PHKB: variants seen among roughly 807,000 people sequenced by gnomAD.
PHKB encodes phosphorylase kinase regulatory subunit beta, also known as phosphorylase b kinase regulatory subunit beta.
In PHKB, 122 loss-of-function variants were observed where a neutral mutation model predicts 152.1. That is an observed-to-expected ratio of 0.80 (90% CI 0.69 to 0.93). The LOEUF (loss-of-function observed/expected upper bound fraction) is 0.93. Among genes scored for constraint, PHKB ranks in the 40% least tolerant of loss-of-function variants. The pLI is 0.00. For missense variants in PHKB, 1,304 were observed against 1,328.4 expected, an observed-to-expected ratio of 0.98 and a Z score of 0.29; for synonymous variants, 436 against 464.9, an observed-to-expected ratio of 0.94 and a Z score of 0.80.
At position 47,663,620 on chromosome 16, in the gene PHKB, T is replaced by C; in HGVS notation, c.2279-57T>C. On this transcript the variant is annotated intron_variant, in intron 23 of 30. Transcript: ENST00000323584. ...AATGAGTACTTTTAAGAGGAATAAA[T>C]GTTGTGCATTTAATTAAAAGCTTTG... 3 of 1,384,632 alleles carry C rather than the reference T, an allele frequency of 2.2e-6. No individual in the cohort carries two copies. In the South Asian group the frequency reaches 3.5e-5, roughly 16 times the overall value. 85.8% of individuals were successfully genotyped at this position (1,384,632 alleles called of 1,614,324 possible). A position where few individuals can be genotyped will look rare whatever the true frequency, so the allele number is the denominator to read the frequency against.
At chr16:47,508,923 G>A (rs1407480423) in intron 4 of PHKB, among the ~76,000 whole-genome samples, 2 of 152,046 alleles carry the variant, frequency 1.3e-5, no homozygotes, top group Non-Finnish European at 2.9e-5. Flanking sequence ...AACTCAAAAT[G>A]TACTTATGTA....
intron 5 of PHKB, 81 bp downstream of exon 5, chr16:47,511,853 C>G: frequency 1.0e-6 from 1 of 961,916 alleles, no homozygotes; most frequent in Middle Eastern, 2.1e-4. Flanking sequence ...GCACCAGGGA[C>G]TAGTTTTGTG....
intron 6 of PHKB, among the ~76,000 whole-genome samples, chr16:47,519,181 C>CT (rs1380168039): frequency 1.3e-5 from 2 of 151,936 alleles, no homozygotes; most frequent in Non-Finnish European, 2.9e-5. Context: ...GTGTCATTTA[C>CT]TTTTTTTTGC....
chr16:47,565,993 C>T (rs147884054), intron 7 of PHKB: 14 of 760,462 alleles, frequency 1.8e-5, no homozygotes, highest in Non-Finnish European at 2.9e-5. Flanking sequence ...GACCGATCAT[C>T]CCGTCTGTTG....
At chr16:47,633,862 C>T (rs1486990364) in intron 14 of PHKB, among the ~76,000 whole-genome samples, 1 of 152,184 alleles carries the variant, frequency 6.6e-6, no homozygotes, top group Non-Finnish European at 1.5e-5. Context: ...TATCTGTTTA[C>T]TAACTCTTCT....
intron 10 of PHKB, among the ~76,000 whole-genome samples, chr16:47,591,756 T>G (rs1025532075): frequency 1.3e-5 from 2 of 152,158 alleles, no homozygotes; most frequent in African/African-American, 4.8e-5. Flanking sequence ...CTCGCTTAGA[T>G]GTCTTACAGT....
chr16:47,598,952 T>G (rs1352915341), intron 13 of PHKB: 55 of 1,468,502 alleles, frequency 3.7e-5, no homozygotes, highest in Non-Finnish European at 4.3e-5. Flanking sequence ...TGTGGAGTAT[T>G]GCACACAGCC....
chr16:47,590,712 C>G (rs1161933318), intron 10 of PHKB: 1 of 150,320 alleles, frequency 6.7e-6, no homozygotes, highest in Non-Finnish European at 1.5e-5. Context: ...CTTTCTTCAC[C>G]TTCTGCTGAG....
intron 20 of PHKB, among the ~76,000 whole-genome samples, chr16:47,656,862 T>G (rs1355192206): frequency 6.6e-6 from 1 of 152,142 alleles, no homozygotes; most frequent in Non-Finnish European, 1.5e-5. Flanking sequence ...CCAGGACATC[T>G]CTCCTTGCAG....
intron 14 of PHKB, among the ~76,000 whole-genome samples, chr16:47,611,217 T>G (rs995383290): frequency 2.6e-5 from 4 of 152,194 alleles, no homozygotes; most frequent in African/African-American, 9.7e-5. Flanking sequence ...GGAGGACCAA[T>G]GACTGAAGGG....
chr16:47,656,981 TTTTC>T (rs1281761664), intron 20 of PHKB, among the ~76,000 whole-genome samples: 6 of 152,146 alleles, frequency 3.9e-5, no homozygotes. Flanking sequence ...AGAGTTGCCT[TTTTC>T]TTTTTTTGTT....
intron 26 of PHKB, among the ~76,000 whole-genome samples, chr16:47,684,672 C>A (rs1328689978): frequency 1.3e-5 from 2 of 151,884 alleles, no homozygotes; most frequent in African/African-American, 4.8e-5. Flanking sequence ...GAAGCTGAGG[C>A]AGGAGAATGG....
intron 20 of PHKB, among the ~76,000 whole-genome samples, chr16:47,659,755 G>A (rs1232657146): frequency 1.3e-5 from 2 of 152,118 alleles, no homozygotes; most frequent in Non-Finnish European, 2.9e-5. Flanking sequence ...ATCATTGGAT[G>A]GCCCAGAAAT....
At chr16:47,661,193 TC>T (rs1973437910) in intron 22 of PHKB, among the ~76,000 whole-genome samples, 1 of 152,130 alleles carries the variant, frequency 6.6e-6, no homozygotes, top group Non-Finnish European at 1.5e-5. Context: ...TTGCTTTAGG[TC>T]AGTCCTGTCA....
At chr16:47,570,910 CTA>C (rs913813409) in intron 7 of PHKB, among the ~76,000 whole-genome samples, 52 of 152,092 alleles carry the variant, frequency 3.4e-4, no homozygotes, top group African/African-American at 1.3e-3. Context: ...TCTGGATAAA[CTA>C]TTTTTTATTA....
At chr16:47,693,351 C>A in intron 27 of PHKB, 27 bp from the exon 28 acceptor site, 2 of 1,613,416 alleles carry the variant, frequency 1.2e-6, no homozygotes, top group Non-Finnish European at 1.7e-6. Flanking sequence ...TGTTCTTCAA[C>A]TCTGAGACAT....
At chr16:47,564,200 G>C (rs1481723563) in intron 7 of PHKB, among the ~76,000 whole-genome samples, 1 of 151,928 alleles carries the variant, frequency 6.6e-6, no homozygotes, top group Non-Finnish European at 1.5e-5. Context: ...CCAGTAGTGG[G>C]ATTGCTGGAT....
chr16:47,538,593 G>A (rs1970996323), intron 6 of PHKB, among the ~76,000 whole-genome samples: 2 of 152,254 alleles, frequency 1.3e-5, no homozygotes, highest in Admixed American at 1.3e-4. Context: ...CTGTTGGGGA[G>A]GAGAATGTAA....
At chr16:47,571,932 G>A (rs935649090) in intron 7 of PHKB, among the ~76,000 whole-genome samples, 1 of 152,088 alleles carries the variant, frequency 6.6e-6, no homozygotes, top group Admixed American at 6.5e-5. Flanking sequence ...CATGGGAATG[G>A]TGATCTATGC....
Sources: gnomAD v4.1 joint callset for allele counts (sites outside exome capture counted in the v4.1 genomes callset) on GRCh38, gnomAD v4.1.1 for gene constraint, MANE v1.5 for transcripts, NCBI Gene and HGNC (gene_info 2026-07-23, HGNC 2026-07-21) for gene names.